CEP57: variants seen among roughly 807,000 people sequenced by gnomAD.
The protein encoded by CEP57 is centrosomal protein 57.
CEP57 carries 40 observed loss-of-function variants against 68.0 expected under a neutral mutation model. That is an observed-to-expected ratio of 0.59 (90% CI 0.46 to 0.77). The LOEUF (loss-of-function observed/expected upper bound fraction) is 0.77. Among genes scored for constraint, CEP57 ranks in the 30% least tolerant of loss-of-function variants. The probability of loss-of-function intolerance (pLI) is 0.00; values close to 1 mark genes in which losing one functional copy is unlikely to be tolerated. For missense variants in CEP57, 606 were observed against 580.7 expected (o/e 1.04, Z -0.45); for synonymous variants, 219 against 198.7 (o/e 1.10, Z -0.86).
intron 10 of CEP57, 27 bp downstream of exon 10, chr11:95,829,358 T>G (rs565075819): frequency 3.3e-5 from 53 of 1,604,070 alleles, no homozygotes; most frequent in Non-Finnish European, 4.4e-5. Context: ...TCACTCAAGT[T>G]TCTAATGATT....
chr11:95,824,073 TAAAAAA>T (rs71040119), intron 8 of CEP57, among the ~76,000 whole-genome samples: 1 of 112,664 alleles, frequency 8.9e-6, no homozygotes, highest in Non-Finnish European at 1.8e-5. Context: ...AGGCCTATTG[TAAAAAA>T]AAAAAAAAAA....
At chr11:95,826,298 A>C (rs549773839) in intron 8 of CEP57, 6 of 152,342 alleles carry the variant, frequency 3.9e-5, no homozygotes, top group African/African-American at 1.4e-4. Flanking sequence ...AATACATAAA[A>C]CAAAAATGCT....
chr11:95,797,018 T>G (rs1194955541), intron 1 of CEP57, among the ~76,000 whole-genome samples: 2 of 152,128 alleles, frequency 1.3e-5, no homozygotes, highest in African/African-American at 2.4e-5. Context: ...ACCTCATTAT[T>G]CAAGAGTTTT....
intron 10 of CEP57, 50 bp downstream of exon 10, chr11:95,829,381 A>AC (rs398115668): frequency 9.0e-6 from 14 of 1,555,476 alleles, no homozygotes; most frequent in African/African-American, 1.4e-5. Flanking sequence ...GAAAAAAAAA[A>AC]CACTTTAATT....
chr11:95,814,736 A>G (rs1049022795), intron 4 of CEP57, among the ~76,000 whole-genome samples: 1 of 152,096 alleles, frequency 6.6e-6, no homozygotes, highest in Admixed American at 6.5e-5. Flanking sequence ...AGTTTTGTAG[A>G]CATCTTAACT....
intron 1 of CEP57, among the ~76,000 whole-genome samples, chr11:95,798,849 G>A (rs1392483634): frequency 1.3e-5 from 2 of 152,052 alleles, no homozygotes; most frequent in Non-Finnish European, 2.9e-5. Flanking sequence ...TTGTGGATGG[G>A]GAATAGAGTA....
chr11:95,800,546 C>T (rs1368972642), intron 2 of CEP57, among the ~76,000 whole-genome samples: 4 of 151,998 alleles, frequency 2.6e-5, no homozygotes, highest in Non-Finnish European at 5.9e-5. Context: ...GGACTACAGA[C>T]GCGCCCAGCT....
intron 8 of CEP57, chr11:95,827,464 C>A: frequency 3.1e-6 from 1 of 317,608 alleles, no homozygotes; most frequent in Admixed American, 4.6e-5. Context: ...ATAAATGTTG[C>A]TAATACACCA....
At chr11:95,796,730 G>A (rs1439875310) in intron 1 of CEP57, among the ~76,000 whole-genome samples, 3 of 152,142 alleles carry the variant, frequency 2.0e-5, no homozygotes, top group Non-Finnish European at 4.4e-5. Context: ...AAGGGGCTCC[G>A]TTTCACAAGA....
At chr11:95,829,935 G>A (rs1156918864) in intron 10 of CEP57, among the ~76,000 whole-genome samples, 1 of 152,138 alleles carries the variant, frequency 6.6e-6, no homozygotes, top group Non-Finnish European at 1.5e-5. Context: ...CAGATTTGAG[G>A]TATGTTTTGG....
chr11:95,806,408 C>T (rs775013227), intron 2 of CEP57, among the ~76,000 whole-genome samples: 1 of 152,106 alleles, frequency 6.6e-6, no homozygotes, highest in Admixed American at 6.6e-5. Context: ...GAGTATGAGC[C>T]GAAGCAGGGC....
chr11:95,814,416 A>C (rs945657815), intron 4 of CEP57, among the ~76,000 whole-genome samples: 2 of 144,824 alleles, frequency 1.4e-5, no homozygotes, highest in African/African-American at 5.2e-5. Flanking sequence ...GCTGGAGAGC[A>C]ACGGCGTGAT....
Position 95,831,398 on chromosome 11 carries a change from G to T in CEP57, c.*142G>T. ...TAAAGGACCCAGGCTTCATTACACAGGCTTTTCATGTATGCAGGATGACTC... is the reference window on the plus strand; with the variant it reads ...TAAAGGACCCAGGCTTCATTACACATGCTTTTCATGTATGCAGGATGACTC... On this transcript the variant is annotated 3_prime_UTR_variant, in exon 11 of 11. Coordinates refer to ENST00000325542, the MANE Select transcript of CEP57 (RefSeq NM_014679.5). 1.5e-6 allele frequency: 1 copy of T among 653,832 alleles called. No homozygotes were observed. Among genetic ancestry groups the T allele is most frequent in the South Asian group, 1.8e-5 (1 of 54,254 alleles). 40.5% of individuals were successfully genotyped at this position (653,832 alleles called of 1,614,324 possible).
At chr11:95,794,362 ATG>A (rs745724160) in intron 1 of CEP57, 2 of 455,628 alleles carry the variant, frequency 4.4e-6, no homozygotes, top group South Asian at 3.1e-5. Flanking sequence ...TTCACAGAGT[ATG>A]TGCGTCTTCA....
In CEP57 at chr11:95,822,513, C is replaced by T. The variant is rs774143047; in HGVS notation, c.822C>T (p.Asn274=). Residue 274 remains asparagine, a synonymous_variant, in exon 8 of 11, where the codon AAC becomes AAT. Coordinates refer to ENST00000325542, the MANE Select transcript of CEP57 (RefSeq NM_014679.5). ...TTTTCATTCAGAAAAGTTCTAGGAA[C>T]TATTTTGGTGCACAACCACATTATA... ...SKPPEKKSSR[N]YFGAQPHYRL... 1.2e-6 allele frequency: 2 copies of T among 1,613,106 alleles called. No individual in the cohort carries two copies. Among genetic ancestry groups the T allele is most frequent in the Admixed American group, 1.7e-5 (1 of 60,014 alleles).
At chr11:95,817,988 T>C (rs534183231) in intron 5 of CEP57, 85 bp downstream of exon 5, 2 of 810,530 alleles carry the variant, frequency 2.5e-6, no homozygotes, top group East Asian at 2.4e-5. Context: ...TGGATATTTA[T>C]AGCATTAAAA....
At position 95,805,842 on chromosome 11, in the gene CEP57, A is replaced by ATG. The variant is rs200093506; in HGVS notation, c.202+6463_202+6464dup. Reference sequence around the variant, plus strand: ...GTTACAGTATCTAATATATATATATATGTGTGTGTGAATTTAGTGTATGAT... The same window carrying ATG: ...GTTACAGTATCTAATATATATATATATGTGTGTGTGTGAATTTAGTGTATGAT... On this transcript the variant is annotated intron_variant, in intron 2 of 10. Transcript: ENST00000325542. Among the ~76,000 whole-genome samples, 1,376 of 152,202 alleles carry ATG rather than the reference A, an allele frequency of 9.0e-3. 18 individuals carry two copies. Among genetic ancestry groups the ATG allele is most frequent in the Non-Finnish European group, 0.014 (961 of 67,988 alleles).
At chr11:95,804,680 C>A (rs571816042) in intron 2 of CEP57, among the ~76,000 whole-genome samples, 1 of 152,124 alleles carries the variant, frequency 6.6e-6, no homozygotes, top group Admixed American at 6.5e-5. Flanking sequence ...GACTTGAATA[C>A]ATAATGAGAG....
intron 2 of CEP57, among the ~76,000 whole-genome samples, chr11:95,809,621 A>G (rs1204802740): frequency 6.6e-6 from 1 of 152,238 alleles, no homozygotes; most frequent in Non-Finnish European, 1.5e-5. Context: ...AAATTACTGG[A>G]CACATACACC....
Sources: gnomAD v4.1 joint callset for allele counts (sites outside exome capture counted in the v4.1 genomes callset) on GRCh38, gnomAD v4.1.1 for gene constraint, MANE v1.5 for transcripts, NCBI Gene and HGNC (gene_info 2026-07-23, HGNC 2026-07-21) for gene names.